SLAIN2: variants seen among roughly 807,000 people sequenced by gnomAD.
SLAIN2 encodes SLAIN family member 2.
SLAIN2 carries 31 observed loss-of-function variants against 56.6 expected under a neutral mutation model. The observed-to-expected ratio is 0.55, with a 90% CI of 0.41 to 0.74. The LOEUF is 0.74. Ranked by LOEUF, SLAIN2 falls within the 30% of genes least tolerant of loss-of-function variation. SLAIN2 has a pLI of 0.00. For missense variants in SLAIN2, 777 were observed against 754.2 expected, an observed-to-expected ratio of 1.03 and a Z score of -0.35; for synonymous variants, 317 against 284.9, an observed-to-expected ratio of 1.11 and a Z score of -1.13.
At chr4:48,353,412 G>T (rs1715064024) in intron 1 of SLAIN2, among the ~76,000 whole-genome samples, 1 of 151,404 alleles carries the variant, frequency 6.6e-6, no homozygotes, top group Admixed American at 6.6e-5. Flanking sequence ...CTTCATGAAA[G>T]CTTCAAAAAA....
At chr4:48,396,738 T>C (rs546072337) in intron 6 of SLAIN2, among the ~76,000 whole-genome samples, 1 of 152,246 alleles carries the variant, frequency 6.6e-6, no homozygotes, top group East Asian at 1.9e-4. Flanking sequence ...ACCTGTACAA[T>C]TGTCTAGAAA....
intron 4 of SLAIN2, among the ~76,000 whole-genome samples, chr4:48,380,338 T>A (rs1323157648): frequency 6.6e-6 from 1 of 152,150 alleles, no homozygotes; most frequent in Admixed American, 6.5e-5. Context: ...TATACAATTA[T>A]GACATCTAGG....
intron 3 of SLAIN2, 89 bp from the exon 4 acceptor site, chr4:48,379,601 A>G: frequency 9.5e-7 from 1 of 1,051,168 alleles, no homozygotes; most frequent in Non-Finnish European, 1.2e-6. Flanking sequence ...AATTAAATCA[A>G]AGGGTATAAT....
intron 1 of SLAIN2, among the ~76,000 whole-genome samples, chr4:48,348,538 A>G (rs1714928607): frequency 1.3e-5 from 2 of 151,906 alleles, no homozygotes; most frequent in Non-Finnish European, 2.9e-5. Flanking sequence ...AAATACAAAA[A>G]TATTAGCTGG....
chr4:48,391,786 G>A (rs1716241102), intron 6 of SLAIN2, among the ~76,000 whole-genome samples: 1 of 152,174 alleles, frequency 6.6e-6, no homozygotes, highest in Non-Finnish European at 1.5e-5. Flanking sequence ...AATGACCAGA[G>A]ATTAATAAAT....
chr4:48,383,874 T>C, intron 6 of SLAIN2, 90 bp downstream of exon 6: 1 of 1,418,598 alleles, frequency 7.0e-7, no homozygotes, highest in Non-Finnish European at 9.6e-7. Flanking sequence ...AACCGTTTTT[T>C]ATGCTGAAAA....
chr4:48,361,896 ATTCCTG>A (rs1456937598), intron 1 of SLAIN2, among the ~76,000 whole-genome samples: 1 of 152,182 alleles, frequency 6.6e-6, no homozygotes, highest in Non-Finnish European at 1.5e-5. Context: ...TGTTAAATTT[ATTCCTG>A]AGTATTTTAT....
At chr4:48,342,711 C>CTTTT (rs761272695) in intron 1 of SLAIN2, among the ~76,000 whole-genome samples, 2,647 of 65,838 alleles carry the variant, frequency 0.04, 492 homozygotes, top group East Asian at 0.089. Context: ...GATGGTGCTG[C>CTTTT]TTTTTTTTTT....
chr4:48,356,436 G>A (rs1715158596), intron 1 of SLAIN2, among the ~76,000 whole-genome samples: 2 of 152,020 alleles, frequency 1.3e-5, no homozygotes, highest in Admixed American at 1.3e-4. Context: ...GAAAAGATCT[G>A]TACTAGTAGC....
At chr4:48,412,309 C>A (rs1716877421) in intron 6 of SLAIN2, among the ~76,000 whole-genome samples, 3 of 150,738 alleles carry the variant, frequency 2.0e-5, no homozygotes, top group Non-Finnish European at 3.0e-5. Flanking sequence ...CTTCCCCTAC[C>A]AGGGTGGAGA....
At chr4:48,350,475 A>G (rs1283158617) in intron 1 of SLAIN2, among the ~76,000 whole-genome samples, 1 of 152,254 alleles carries the variant, frequency 6.6e-6, no homozygotes, top group East Asian at 1.9e-4. Context: ...GTGTCTTAAT[A>G]TAAATGGTTT....
chr4:48,360,772 T>C (rs1715305795), intron 1 of SLAIN2, among the ~76,000 whole-genome samples: 1 of 152,160 alleles, frequency 6.6e-6, no homozygotes, highest in Non-Finnish European at 1.5e-5. Context: ...CCATTCCTTC[T>C]CTCCACCCCC....
rs202199025 is a variant in SLAIN2, at chr4:48,369,878, C to T, written c.419C>T (p.Thr140Ile). ...WLYSSPKKKL[T>I]PMQKSVSPLV... ...TATTCATCACCAAAGAAAAAACTTA[C>T]ACCAATGCAGAAATCGGTTAGTCCA... is the stretch of plus-strand genomic sequence containing the variant. The change falls in exon 2 of 8, where the codon ACA becomes ATA. Residue 140 changes from threonine to isoleucine, a missense_variant. Thr to Ile is a moderately conservative substitution (Grantham distance 89, BLOSUM62 -1). Transcript: ENST00000264313. 1 of 1,613,476 alleles carries T rather than the reference C, an allele frequency of 6.2e-7. No individual in the cohort carries two copies. The highest frequency in any genetic ancestry group is 8.5e-7 in the Non-Finnish European group (1 of 1,179,622).
intron 6 of SLAIN2, among the ~76,000 whole-genome samples, chr4:48,409,035 T>C (rs1431939303): frequency 6.6e-6 from 1 of 152,160 alleles, no homozygotes; most frequent in Non-Finnish European, 1.5e-5. Flanking sequence ...CTAGGAGCCA[T>C]AGACTATTTT....
intron 6 of SLAIN2, among the ~76,000 whole-genome samples, chr4:48,406,465 G>A (rs1380594349): frequency 2.0e-5 from 3 of 150,080 alleles, no homozygotes; most frequent in African/African-American, 7.4e-5. Flanking sequence ...TAACATTAGC[G>A]TAACATACAA....
chr4:48,373,112 C>A lies in SLAIN2; in HGVS notation c.538+3115C>A, dbSNP rs1349086185. On this transcript the variant is annotated intron_variant, in intron 2 of 7. Coordinates refer to ENST00000264313, the MANE Select transcript of SLAIN2 (RefSeq NM_020846.2). Reference sequence around the variant, plus strand: ...TTTCAGTCTTCATTGAAGATTCTTCCTTTTCTACCCATCTTTTAAAAATTG... The same window carrying A: ...TTTCAGTCTTCATTGAAGATTCTTCATTTTCTACCCATCTTTTAAAAATTG... Among the ~76,000 whole-genome samples, 3 of 152,094 alleles carry A rather than the reference C, an allele frequency of 2.0e-5. No individual in the cohort carries two copies. In the East Asian group the frequency reaches 5.8e-4, roughly 29 times the overall value.
chr4:48,418,071 TTATTTC>T (rs1036170353), intron 6 of SLAIN2, among the ~76,000 whole-genome samples: 8 of 138,320 alleles, frequency 5.8e-5, no homozygotes, highest in Non-Finnish European at 1.1e-4. Flanking sequence ...CCTTTTATTA[TTATTTC>T]TTCTTCTTCT....
At chr4:48,356,290 A>G (rs931140186) in intron 1 of SLAIN2, among the ~76,000 whole-genome samples, 5 of 152,242 alleles carry the variant, frequency 3.3e-5, no homozygotes, top group African/African-American at 9.6e-5. Flanking sequence ...TATATTATAT[A>G]TGCACATATC....
intron 6 of SLAIN2, among the ~76,000 whole-genome samples, chr4:48,399,011 G>GT (rs540815695): frequency 1.4e-3 from 210 of 152,170 alleles, no homozygotes; most frequent in African/African-American, 4.9e-3. Context: ...TTTTAAAATA[G>GT]TTTTTTTCTA....
Sources: gnomAD v4.1 joint callset for allele counts (sites outside exome capture counted in the v4.1 genomes callset) on GRCh38, gnomAD v4.1.1 for gene constraint, MANE v1.5 for transcripts, NCBI Gene and HGNC (gene_info 2026-07-23, HGNC 2026-07-21) for gene names.